Variants in FLVCR2 observed in about 807,000 individuals in gnomAD.
FLVCR2 encodes the protein FLVCR choline and putative heme transporter 2.
In FLVCR2, 38 loss-of-function variants were observed where a neutral mutation model predicts 48.9. That is an observed-to-expected ratio of 0.78 (90% CI 0.60 to 1.02). The LOEUF is 1.02. FLVCR2 is among the 50% of genes least tolerant of loss of function. The pLI is 0.00. For missense variants in FLVCR2, 664 were observed against 663.3 expected (o/e 1.00, Z -0.01); for synonymous variants, 255 against 257.0 (o/e 0.99, Z 0.07).
chr14:75,578,958 G>T lies in FLVCR2; in HGVS notation c.-15G>T, dbSNP rs1177371987. The T allele has an allele frequency of 6.2e-7, 1 of 1,613,878 alleles. No individual in the cohort carries two copies. Among genetic ancestry groups the T allele is most frequent in the Admixed American group, 1.7e-5 (1 of 60,026 alleles). ...TCCTCACCACTTCTCCAGGATTCCA[G>T]AGGAGACTGTGGCGATGGTGAATGA... On this transcript the variant is annotated 5_prime_UTR_variant, in exon 1 of 10. Coordinates refer to ENST00000238667, the MANE Select transcript of FLVCR2 (RefSeq NM_017791.3).
At chr14:75,640,700 G>C in intron 6 of FLVCR2, 1 of 529,452 alleles carries the variant, frequency 1.9e-6, no homozygotes, top group Non-Finnish European at 3.4e-6. Context: ...GTCACTGATG[G>C]CAAGATGGAG....
intron 3 of FLVCR2, among the ~76,000 whole-genome samples, chr14:75,628,856 G>A (rs1223998196): frequency 6.6e-6 from 1 of 152,200 alleles, no homozygotes; most frequent in Non-Finnish European, 1.5e-5. Flanking sequence ...AGCTTTTAAT[G>A]CAGTTGAGAA....
intron 5 of FLVCR2, among the ~76,000 whole-genome samples, chr14:75,638,362 G>C (rs1215195391): frequency 1.3e-5 from 2 of 152,100 alleles, no homozygotes; most frequent in Admixed American, 6.5e-5. Context: ...GCTTGAACCC[G>C]GGAGGCAGAG....
At chr14:75,619,125 G>A (rs1425565561) in intron 1 of FLVCR2, among the ~76,000 whole-genome samples, 1 of 152,136 alleles carries the variant, frequency 6.6e-6, no homozygotes, top group Admixed American at 6.5e-5. Flanking sequence ...TTGGGAGGCT[G>A]AGGTAGGAGA....
chr14:75,618,319 C>A (rs1448767385), intron 1 of FLVCR2, among the ~76,000 whole-genome samples: 1 of 152,114 alleles, frequency 6.6e-6, no homozygotes, highest in African/African-American at 2.4e-5. Flanking sequence ...CCACCTCAGA[C>A]CTGAGGGATA....
At chr14:75,613,586 C>T (rs1017219852) in intron 1 of FLVCR2, among the ~76,000 whole-genome samples, 4 of 152,066 alleles carry the variant, frequency 2.6e-5, no homozygotes, top group Non-Finnish European at 4.4e-5. Context: ...GAGTCTTGCT[C>T]TGTTGCCCAG....
At chr14:75,615,919 C>G (rs1447348740) in intron 1 of FLVCR2, among the ~76,000 whole-genome samples, 3 of 144,882 alleles carry the variant, frequency 2.1e-5, no homozygotes, top group African/African-American at 7.7e-5. Context: ...CCCAGCTACT[C>G]GGGAAGCTGA....
intron 1 of FLVCR2, among the ~76,000 whole-genome samples, chr14:75,584,113 C>T (rs1441234322): frequency 6.6e-6 from 1 of 152,126 alleles, no homozygotes; most frequent in Non-Finnish European, 1.5e-5. Flanking sequence ...ATTCTGAGGC[C>T]CAGTGGCCAG....
chr14:75,637,282 G>A (rs150652720), intron 5 of FLVCR2, among the ~76,000 whole-genome samples: 15 of 152,296 alleles, frequency 9.8e-5, no homozygotes, highest in Non-Finnish European at 1.6e-4. Context: ...CAGGATTTTT[G>A]TAAAGGTTGA....
At chr14:75,583,567 T>A (rs1888665409) in intron 1 of FLVCR2, among the ~76,000 whole-genome samples, 1 of 152,002 alleles carries the variant, frequency 6.6e-6, no homozygotes, top group African/African-American at 2.4e-5. Context: ...GGCTTTGAAC[T>A]GGGGAAAAGG....
chr14:75,602,783 T>C (rs1889196445), intron 1 of FLVCR2, among the ~76,000 whole-genome samples: 1 of 152,180 alleles, frequency 6.6e-6, no homozygotes, highest in Non-Finnish European at 1.5e-5. Flanking sequence ...ATGAATGTAC[T>C]TAACGCTGCT....
chr14:75,631,947 T>TGGCC, intron 3 of FLVCR2: 1 of 425,044 alleles, frequency 2.4e-6, no homozygotes, highest in South Asian at 1.7e-5. Flanking sequence ...CTGGGTTGGT[T>TGGCC]GGCCCACTGT....
chr14:75,582,232 T>A (rs1342611231), intron 1 of FLVCR2, among the ~76,000 whole-genome samples: 1 of 152,172 alleles, frequency 6.6e-6, no homozygotes, highest in Non-Finnish European at 1.5e-5. Flanking sequence ...TAAGGAGGCA[T>A]TAATGATGGA....
At chr14:75,591,227 G>A (rs1888869141) in intron 1 of FLVCR2, among the ~76,000 whole-genome samples, 1 of 152,070 alleles carries the variant, frequency 6.6e-6, no homozygotes, top group Non-Finnish European at 1.5e-5. Flanking sequence ...TTTTTTTGTA[G>A]AGACGGAGTT....
rs756751309 is a variant in FLVCR2, at chr14:75,609,984, G to T, written c.670-12095G>T. On this transcript the variant is annotated intron_variant, in intron 1 of 9. Transcript: ENST00000238667. ...CTGTTGATTGCTGGTGTCTGGGACA[G>T]AATTGGTGGGCAATCAGTGCCAAAG... Among the ~76,000 whole-genome samples the T allele has an allele frequency of 5.3e-5, 8 of 152,362 alleles. No homozygotes were observed. In the East Asian group the frequency reaches 1.5e-3, roughly 29 times the overall value.
At chr14:75,606,960 C>G (rs1889308052) in intron 1 of FLVCR2, among the ~76,000 whole-genome samples, 1 of 151,678 alleles carries the variant, frequency 6.6e-6, no homozygotes, top group African/African-American at 2.4e-5. Flanking sequence ...AAAAAAAAAG[C>G]AAATTCCTGG....
chr14:75,595,743 T>C, intron 1 of FLVCR2: 1 of 644,256 alleles, frequency 1.6e-6, no homozygotes, highest in South Asian at 1.9e-5. Context: ...TGAAAGTGTT[T>C]AGTTTATTAA....
intron 1 of FLVCR2, among the ~76,000 whole-genome samples, chr14:75,607,904 C>A (rs1163745927): frequency 6.6e-6 from 1 of 152,118 alleles, no homozygotes; most frequent in Non-Finnish European, 1.5e-5. Context: ...GAGACTCTAT[C>A]TCTACAAAAA....
At chr14:75,603,439 G>A (rs1889213507) in intron 1 of FLVCR2, among the ~76,000 whole-genome samples, 1 of 152,188 alleles carries the variant, frequency 6.6e-6, no homozygotes, top group Non-Finnish European at 1.5e-5. Context: ...GACCTCAGGG[G>A]TGGAATACCT....
Sources: allele counts gnomAD v4.1 joint callset (sites outside exome capture counted in the v4.1 genomes callset), GRCh38; gene constraint gnomAD v4.1.1; transcripts MANE v1.5; gene names NCBI Gene and HGNC (gene_info 2026-07-23, HGNC 2026-07-21).